TNRC6B: variants seen among roughly 807,000 people sequenced by gnomAD.
TNRC6B encodes trinucleotide repeat-containing gene 6B protein.
In TNRC6B, 52 loss-of-function variants were observed where a neutral mutation model predicts 203.6. That is an observed-to-expected ratio of 0.26 (90% CI 0.20 to 0.32). TNRC6B has a LOEUF of 0.32. TNRC6B is among the 10% of genes least tolerant of loss of function. The pLI is 1.00. For synonymous variants in TNRC6B, 838 were observed against 845.7 expected, an observed-to-expected ratio of 0.99 and a Z score of 0.16; for missense variants, 1,923 against 2,286.2, an observed-to-expected ratio of 0.84 and a Z score of 3.24.
At chr22:40,187,639 C>T (rs1270422928) in intron 1 of TNRC6B, among the ~76,000 whole-genome samples, 2 of 152,072 alleles carry the variant, frequency 1.3e-5, no homozygotes, top group East Asian at 1.9e-4. Context: ...AGTGTCCCAG[C>T]GTCCCTGTGT....
intron 3 of TNRC6B, among the ~76,000 whole-genome samples, chr22:40,256,197 GA>G (rs2070274582): frequency 6.6e-6 from 1 of 152,178 alleles, no homozygotes. Context: ...TTCATTCTTT[GA>G]GGGTGAAGAA....
At chr22:40,047,459 C>T (rs2067700358) in intron 1 of TNRC6B, among the ~76,000 whole-genome samples, 1 of 151,914 alleles carries the variant, frequency 6.6e-6, no homozygotes, top group Non-Finnish European at 1.5e-5. Context: ...AAAAATTAGC[C>T]GGGCGTGGTG....
intron 5 of TNRC6B, among the ~76,000 whole-genome samples, chr22:40,268,165 A>G (rs1020616273): frequency 7.2e-5 from 11 of 152,144 alleles, no homozygotes; most frequent in African/African-American, 2.7e-4. Flanking sequence ...TCGGCTCGCT[A>G]TAACCTCCGT....
In TNRC6B at chr22:40,155,783, A is replaced by G. The variant is rs147912074; in HGVS notation, c.46-332A>G. Among the ~76,000 whole-genome samples, 80 of 152,276 alleles carry G rather than the reference A, an allele frequency of 5.3e-4. 4 individuals are homozygous for G. In the East Asian group the frequency reaches 0.015, roughly 29 times the overall value. Reference sequence around the variant, plus strand: ...TTGAACATCTTTTCATATGTTTAGAAACTGTTTATGTGTTCTCTTCAGTGA... The same window carrying G: ...TTGAACATCTTTTCATATGTTTAGAGACTGTTTATGTGTTCTCTTCAGTGA... On this transcript the variant is annotated intron_variant, in intron 3 of 23. Transcript: ENST00000301923.
chr22:40,123,893 AC>A (rs2068465337), intron 2 of TNRC6B, among the ~76,000 whole-genome samples: 1 of 132,032 alleles, frequency 7.6e-6, no homozygotes, highest in Non-Finnish European at 1.5e-5. Context: ...TAGAAAGAGA[AC>A]TTTTTTTTTT....
chr22:40,222,581 T>C (rs1433247835), intron 1 of TNRC6B, among the ~76,000 whole-genome samples: 2 of 152,190 alleles, frequency 1.3e-5, no homozygotes, highest in Non-Finnish European at 2.9e-5. Context: ...CTTGTTCAAA[T>C]ACAGTGGATT....
At chr22:40,273,005 T>C (rs2070585688) in intron 6 of TNRC6B, among the ~76,000 whole-genome samples, 1 of 152,246 alleles carries the variant, frequency 6.6e-6, no homozygotes, top group African/African-American at 2.4e-5. Context: ...CTCGTATTTA[T>C]AGTGTCCATT....
intron 1 of TNRC6B, among the ~76,000 whole-genome samples, chr22:40,243,238 A>G (rs757336783): frequency 2.0e-5 from 3 of 152,206 alleles, no homozygotes; most frequent in Non-Finnish European, 4.4e-5. Flanking sequence ...TGAATTAGAA[A>G]AAAGGTGAGA....
intron 3 of TNRC6B, among the ~76,000 whole-genome samples, chr22:40,129,505 C>G (rs897669686): frequency 1.3e-5 from 2 of 151,970 alleles, no homozygotes; most frequent in Admixed American, 6.6e-5. Flanking sequence ...TGATGTGACT[C>G]GAGGATGGAT....
chr22:40,075,569 CT>C (rs2068006003), intron 1 of TNRC6B, among the ~76,000 whole-genome samples: 1 of 151,984 alleles, frequency 6.6e-6, no homozygotes, highest in Non-Finnish European at 1.5e-5. Context: ...AAAGTCCAAT[CT>C]TACCATCTTT....
intron 1 of TNRC6B, among the ~76,000 whole-genome samples, chr22:40,046,500 C>CCAAACATTATTATTAAGGGCTTATCCCAA (rs2067689154): frequency 6.6e-6 from 1 of 152,100 alleles, no homozygotes; most frequent in African/African-American, 2.4e-5. Context: ...TCCCAAACAC[C>CCAAACATTATTATTAAGGGCTTATCCCAA]ATTATTTGAG....
intron 9 of TNRC6B, among the ~76,000 whole-genome samples, chr22:40,278,574 AC>A (rs2070684228): frequency 6.6e-6 from 1 of 151,094 alleles, no homozygotes; most frequent in Non-Finnish European, 1.5e-5. Context: ...AAAAAAAAAA[AC>A]CTGGGACGAG....
At chr22:40,118,454 CAAAG>C (rs1232516388) in intron 2 of TNRC6B, among the ~76,000 whole-genome samples, 1 of 152,126 alleles carries the variant, frequency 6.6e-6, no homozygotes, top group Admixed American at 6.5e-5. Flanking sequence ...TAATAACTGA[CAAAG>C]AAGAACGGTT....
At chr22:40,059,825 T>G (rs552784238) in intron 1 of TNRC6B, among the ~76,000 whole-genome samples, 5 of 142,754 alleles carry the variant, frequency 3.5e-5, no homozygotes, top group South Asian at 2.1e-4. Context: ...GTTTTTTTTT[T>G]TTTTTTTTTT....
At chr22:40,148,570 AC>A (rs969972667) in intron 3 of TNRC6B, among the ~76,000 whole-genome samples, 2 of 152,088 alleles carry the variant, frequency 1.3e-5, no homozygotes, top group Non-Finnish European at 2.9e-5. Flanking sequence ...GGTGTGGGCC[AC>A]CGCGCCGGGC....
chr22:40,144,502 T>A (rs974187097), intron 3 of TNRC6B, among the ~76,000 whole-genome samples: 27 of 151,714 alleles, frequency 1.8e-4, no homozygotes, highest in African/African-American at 6.5e-4. Context: ...GGTGAAACCC[T>A]GTCTCTACTA....
intron 1 of TNRC6B, among the ~76,000 whole-genome samples, chr22:40,108,626 C>G (rs1317585510): frequency 6.6e-6 from 1 of 152,172 alleles, no homozygotes; most frequent in Non-Finnish European, 1.5e-5. Flanking sequence ...ACATGTGATA[C>G]TGCAAAAGAT....
At chr22:40,272,000 AAAAG>A (rs2070570878) in intron 6 of TNRC6B, among the ~76,000 whole-genome samples, 1 of 152,218 alleles carries the variant, frequency 6.6e-6, no homozygotes, top group Admixed American at 6.5e-5. Context: ...TTATCTCTCT[AAAAG>A]AAAGGTTCAC....
chr22:40,280,201 T>C lies in TNRC6B; in HGVS notation c.3411+58T>C, dbSNP rs1465852924. ...CATGAGAACCGCTTTGGTTCCCATTTGTCTTTTGATAACTGATTCTAGAGG... is the reference window on the plus strand; with the variant it reads ...CATGAGAACCGCTTTGGTTCCCATTCGTCTTTTGATAACTGATTCTAGAGG... On this transcript the variant is annotated intron_variant, in intron 10 of 22. Transcript: ENST00000454349. 8 of 1,532,868 alleles carry C rather than the reference T, an allele frequency of 5.2e-6. No homozygotes were observed. The East Asian group carries it at 1.8e-4, about 35-fold the overall frequency. 95.0% of individuals were successfully genotyped at this position (1,532,868 alleles called of 1,614,324 possible). A position where few individuals can be genotyped will look rare whatever the true frequency, so the allele number is the denominator to read the frequency against.
Sources: allele counts gnomAD v4.1 joint callset (sites outside exome capture counted in the v4.1 genomes callset), GRCh38; gene constraint gnomAD v4.1.1; transcripts MANE v1.5; gene names NCBI Gene and HGNC (gene_info 2026-07-23, HGNC 2026-07-21).